MATN2: variants seen among roughly 807,000 people sequenced by gnomAD.
MATN2 encodes the protein matrilin-2.
MATN2 carries 69 observed loss-of-function variants against 103.2 expected under a neutral mutation model. The ratio of observed to expected loss-of-function variants is 0.67; its 90% CI spans 0.55 to 0.82. The LOEUF (loss-of-function observed/expected upper bound fraction) is 0.82, where lower values mean the gene tolerates loss of function less well. MATN2 is among the 40% of genes least tolerant of loss of function. The pLI is 0.00. For synonymous variants in MATN2, 429 were observed against 450.2 expected, an observed-to-expected ratio of 0.95 and a Z score of 0.60; for missense variants, 1,023 against 1,211.5, an observed-to-expected ratio of 0.84 and a Z score of 2.31.
chr8:97,928,797 C>G (rs1810080702), intron 2 of MATN2, among the ~76,000 whole-genome samples: 1 of 152,214 alleles, frequency 6.6e-6, no homozygotes, highest in Admixed American at 6.5e-5. Flanking sequence ...TAAATTCTTA[C>G]AGCTGCCCAA....
At chr8:97,914,269 C>T (rs1034535012) in intron 2 of MATN2, among the ~76,000 whole-genome samples, 1 of 150,252 alleles carries the variant, frequency 6.7e-6, no homozygotes, top group African/African-American at 2.5e-5. Flanking sequence ...GAAGTCTGGG[C>T]TGTCAGGAAC....
chr8:97,906,069 G>T (rs1393495476), intron 2 of MATN2, among the ~76,000 whole-genome samples: 1 of 152,080 alleles, frequency 6.6e-6, no homozygotes, highest in Non-Finnish European at 1.5e-5. Flanking sequence ...AGAATTGCTG[G>T]GAAATATGGT....
chr8:97,913,079 G>A (rs904309359), intron 2 of MATN2, among the ~76,000 whole-genome samples: 1 of 152,156 alleles, frequency 6.6e-6, no homozygotes, highest in African/African-American at 2.4e-5. Context: ...AAGTCTGGCT[G>A]CCGCAACTAA....
At chr8:97,904,995 C>T (rs1277479251) in intron 2 of MATN2, among the ~76,000 whole-genome samples, 2 of 152,206 alleles carry the variant, frequency 1.3e-5, no homozygotes, top group African/African-American at 4.8e-5. Flanking sequence ...CAGTAGCAAT[C>T]ACAGATATTT....
chr8:97,882,460 A>G (rs1219095263), intron 1 of MATN2, among the ~76,000 whole-genome samples: 1 of 151,720 alleles, frequency 6.6e-6, no homozygotes, highest in East Asian at 1.9e-4. Flanking sequence ...GGCAGTGATC[A>G]TGGCTCACTG....
chr8:98,003,997 A>T (rs930655684), intron 8 of MATN2: 9 of 535,536 alleles, frequency 1.7e-5, no homozygotes, highest in Non-Finnish European at 3.0e-5. Context: ...TAAAAGAATT[A>T]ATAGGAATAG....
chr8:98,008,896 T>A (rs938599450), intron 10 of MATN2, among the ~76,000 whole-genome samples: 8 of 152,230 alleles, frequency 5.3e-5, no homozygotes, highest in Non-Finnish European at 8.8e-5. Context: ...GAAATTCTCA[T>A]GAGCCCTTCT....
chr8:97,925,954 G>A (rs1162741648), intron 2 of MATN2, among the ~76,000 whole-genome samples: 2 of 152,324 alleles, frequency 1.3e-5, no homozygotes, highest in African/African-American at 4.8e-5. Context: ...ACGGGAGAGA[G>A]GCTGATTAGT....
intron 1 of MATN2, among the ~76,000 whole-genome samples, chr8:97,886,983 C>G (rs1263918932): frequency 6.6e-6 from 1 of 151,754 alleles, no homozygotes; most frequent in Non-Finnish European, 1.5e-5. Flanking sequence ...CACTGCAGTC[C>G]TGGGTTCAAG....
chr8:98,033,179 A>C lies in MATN2; in HGVS notation c.2716+3A>C. On this transcript the variant is annotated splice_donor_region_variant and intron_variant, in intron 17 of 18. Coordinates refer to ENST00000254898, the MANE Select transcript of MATN2 (RefSeq NM_002380.5). The stretch of plus-strand genomic sequence containing the variant: ...TTCCCATTCAACAAAACCTTCAGGT[A>C]ATTCCAAGTAAAATATTACTATAAG... The C allele has an allele frequency of 6.3e-7, 1 of 1,595,726 alleles. No homozygotes were observed. Among genetic ancestry groups the C allele is most frequent in the East Asian group, 2.2e-5 (1 of 44,664 alleles).
chr8:97,939,501 A>G (rs1031697272), intron 3 of MATN2, among the ~76,000 whole-genome samples: 1 of 152,180 alleles, frequency 6.6e-6, no homozygotes, highest in African/African-American at 2.4e-5. Flanking sequence ...GAACATCTGC[A>G]CCAGGCAACA....
At position 97,994,496 on chromosome 8, in the gene MATN2, C is replaced by G. The variant is rs12234986; in HGVS notation, c.1098C>G (p.Ala366=). The change falls in exon 7 of 19, where the codon GCC becomes GCG. Residue 366 remains alanine, a synonymous_variant. Coordinates refer to ENST00000254898, the MANE Select transcript of MATN2 (RefSeq NM_002380.5). Reference sequence around the variant, plus strand: ...TCTTGCCAGAGATAGACTACTGTGCCTCATCTAATCACGGATGTCAGCACG... The same window carrying G: ...TCTTGCCAGAGATAGACTACTGTGCGTCATCTAATCACGGATGTCAGCACG... ...KKTCTKIDYC[A]SSNHGCQHEC... is the part of the protein sequence containing the mutation. 3 of 1,612,122 alleles carry G rather than the reference C, an allele frequency of 1.9e-6. No individual in the cohort carries two copies. The East Asian group carries it at 6.7e-5, about 36-fold the overall frequency.
At chr8:97,872,799 C>T (rs767132015) in intron 1 of MATN2, among the ~76,000 whole-genome samples, 29 of 147,530 alleles carry the variant, frequency 2.0e-4, no homozygotes, top group Admixed American at 3.3e-4. Flanking sequence ...AAAGTCCCCC[C>T]GTTTTTTTTT....
At chr8:97,902,668 C>T (rs1038729851) in intron 2 of MATN2, among the ~76,000 whole-genome samples, 34 of 151,962 alleles carry the variant, frequency 2.2e-4, no homozygotes, top group Non-Finnish European at 2.2e-4. Context: ...TGGGTTTCTC[C>T]GATAACACCT....
chr8:97,956,101 G>A (rs940616825), intron 4 of MATN2, among the ~76,000 whole-genome samples: 1 of 152,204 alleles, frequency 6.6e-6, no homozygotes, highest in East Asian at 1.9e-4. Flanking sequence ...GCAGTGTTAC[G>A]CCTCCGTGAC....
chr8:97,923,535 T>TTCTCTCTCTCTCTC (rs35773325), intron 2 of MATN2, among the ~76,000 whole-genome samples: 1 of 148,454 alleles, frequency 6.7e-6, no homozygotes, highest in Non-Finnish European at 1.5e-5. Flanking sequence ...AGCCACTCAC[T>TTCTCTCTCTCTCTC]TCTCTCTCTC....
intron 12 of MATN2, 165 bp from the exon 13 acceptor site, chr8:98,021,040 T>C: frequency 1.7e-6 from 1 of 576,264 alleles, no homozygotes; most frequent in East Asian, 3.5e-5. Context: ...GAGGAGCTTT[T>C]TCCCCATCCT....
chr8:98,007,507 T>C lies in MATN2; in HGVS notation c.1479T>C (p.His493=), dbSNP rs754053879. 3 of 1,613,154 alleles carry C rather than the reference T, an allele frequency of 1.9e-6. No homozygotes were observed. The highest frequency in any genetic ancestry group is 1.3e-5 in the African/African-American group (1 of 75,020). ...TGGATTACTGCCTGCTGAGTGACCA[T>C]GGTTGTGAATACTCCTGTGTCAACA... ...SRVDYCLLSD[H]GCEYSCVNMD... is the part of the protein sequence containing the mutation. Residue 493 remains histidine, a synonymous_variant, in exon 10 of 19, where the codon CAT becomes CAC. Coordinates refer to ENST00000254898, the MANE Select transcript of MATN2 (RefSeq NM_002380.5). The surrounding 1 kb of genome is among the most constrained non-coding windows in gnomAD (Gnocchi z 4.2).
At chr8:97,908,259 A>G (rs1370254384) in intron 2 of MATN2, among the ~76,000 whole-genome samples, 2 of 149,066 alleles carry the variant, frequency 1.3e-5, no homozygotes, top group African/African-American at 2.4e-5. Context: ...CTCTATCTCA[A>G]AAAAAAAAAA....
Sources: allele counts gnomAD v4.1 joint callset (sites outside exome capture counted in the v4.1 genomes callset), GRCh38; gene constraint gnomAD v4.1.1; non-coding constraint Gnocchi (gnomAD v3.1); transcripts MANE v1.5; gene names NCBI Gene and HGNC (gene_info 2026-07-23, HGNC 2026-07-21).